Variants in ANXA4 observed in about 807,000 individuals in gnomAD.
The protein encoded by ANXA4 is annexin A4.
ANXA4 carries 39 observed loss-of-function variants against 49.8 expected under a neutral mutation model. The observed-to-expected ratio is 0.78, with a 90% CI of 0.61 to 1.02. ANXA4 has a LOEUF of 1.02. Ranked by LOEUF, ANXA4 falls within the 50% of genes least tolerant of loss-of-function variation. The pLI is 0.00. For missense variants in ANXA4, 360 were observed against 410.1 expected, an observed-to-expected ratio of 0.88 and a Z score of 1.05; for synonymous variants, 134 against 152.5, an observed-to-expected ratio of 0.88 and a Z score of 0.89.
intron 2 of ANXA4, among the ~76,000 whole-genome samples, chr2:69,664,556 T>C (rs957083521): frequency 6.6e-6 from 1 of 152,232 alleles, no homozygotes; most frequent in African/African-American, 2.4e-5. Context: ...GCTATATCAG[T>C]TACATTCTTG....
intron 1 of ANXA4, among the ~76,000 whole-genome samples, chr2:69,756,821 A>G (rs1671053319): frequency 6.6e-6 from 1 of 151,954 alleles, no homozygotes; most frequent in South Asian, 2.1e-4. Flanking sequence ...GTAAAGCACC[A>G]AGATCCTAAA....
At chr2:69,711,022 G>A (rs1281053717) in intron 2 of ANXA4, among the ~76,000 whole-genome samples, 1 of 152,134 alleles carries the variant, frequency 6.6e-6, no homozygotes, top group Non-Finnish European at 1.5e-5. Context: ...AATATTCAGA[G>A]CACTTAATTA....
At chr2:69,661,077 A>G (rs868756679) in intron 2 of ANXA4, among the ~76,000 whole-genome samples, 23 of 147,750 alleles carry the variant, frequency 1.6e-4, no homozygotes, top group Middle Eastern at 6.8e-3. Flanking sequence ...GCAATTAGAC[A>G]GAAGACTTCT....
chr2:69,665,338 A>C (rs1676895892), intron 2 of ANXA4, among the ~76,000 whole-genome samples: 1 of 152,122 alleles, frequency 6.6e-6, no homozygotes, highest in Admixed American at 6.6e-5. Context: ...AGTGCCAGAC[A>C]TGTGAATGAT....
At chr2:69,810,442 GT>G (rs771912212) in intron 6 of ANXA4, 151 bp from the exon 7 acceptor site, 2 of 633,194 alleles carry the variant, frequency 3.2e-6, no homozygotes, top group Non-Finnish European at 5.8e-6. Context: ...CCAGAGTTTA[GT>G]TTTTGAAAAA....
chr2:69,819,929 A>ATGG (rs1308854090), intron 11 of ANXA4, among the ~76,000 whole-genome samples: 1 of 151,820 alleles, frequency 6.6e-6, no homozygotes, highest in Non-Finnish European at 1.5e-5. Flanking sequence ...TTAGTCAGGT[A>ATGG]TGGTGGCTCA....
At chr2:69,782,536 T>C (rs902948728) in intron 2 of ANXA4, among the ~76,000 whole-genome samples, 2 of 152,196 alleles carry the variant, frequency 1.3e-5, no homozygotes, top group Non-Finnish European at 2.9e-5. Context: ...TTATTTTTTA[T>C]AGAGATGAGG....
At chr2:69,659,052 A>G (rs977884191) in intron 2 of ANXA4, among the ~76,000 whole-genome samples, 1 of 152,220 alleles carries the variant, frequency 6.6e-6, no homozygotes, top group African/African-American at 2.4e-5. Flanking sequence ...CATTTAATTT[A>G]TGAAAATGTA....
intron 1 of ANXA4, among the ~76,000 whole-genome samples, chr2:69,778,775 CAAAAAAAAAAAAAA>C (rs58688910): frequency 1.5e-3 from 55 of 36,548 alleles, no homozygotes; most frequent in Non-Finnish European, 2.3e-3. Flanking sequence ...AACTCTGTCT[CAAAAAAAAAAAAAA>C]AAAAAAAAAA....
At chr2:69,713,595 G>A (rs557312078) in intron 2 of ANXA4, 1 of 152,298 alleles carries the variant, frequency 6.6e-6, no homozygotes, top group East Asian at 1.9e-4. Context: ...TTAACATTCA[G>A]TCCAGCAAGC....
chr2:69,751,760 A>G (rs532203919), intron 1 of ANXA4, among the ~76,000 whole-genome samples: 1 of 152,228 alleles, frequency 6.6e-6, no homozygotes, highest in Admixed American at 6.5e-5. Flanking sequence ...TCCTTCTGGG[A>G]TCAAGACTTA....
At chr2:69,661,513 G>A (rs908181829) in intron 2 of ANXA4, among the ~76,000 whole-genome samples, 3 of 152,008 alleles carry the variant, frequency 2.0e-5, no homozygotes, top group Non-Finnish European at 4.4e-5. Context: ...TGTGATTACA[G>A]TGAGCTATGA....
intron 1 of ANXA4, among the ~76,000 whole-genome samples, chr2:69,769,074 T>C (rs1170579172): frequency 6.6e-6 from 1 of 152,222 alleles, no homozygotes; most frequent in Non-Finnish European, 1.5e-5. Context: ...CTATATTGGG[T>C]ACTTCATTAT....
intron 2 of ANXA4, among the ~76,000 whole-genome samples, chr2:69,661,989 A>G (rs1158638639): frequency 6.6e-6 from 1 of 152,198 alleles, no homozygotes; most frequent in African/African-American, 2.4e-5. Context: ...AAGGTTGCCT[A>G]AAAAACCACC....
At chr2:69,644,165 T>TTCCCCCCCCC (rs1553424953), upstream of ANXA4, among the ~76,000 whole-genome samples, 2 of 21,114 alleles carry the variant, frequency 9.5e-5, no homozygotes, top group Admixed American at 3.4e-4. Flanking sequence ...ACAACTAAGT[T>TTCCCCCCCCC]CCCCCCCCCC....
At position 69,760,611 on chromosome 2, in the gene ANXA4, T is replaced by C. The variant is rs370481687; in HGVS notation, c.-47+18436T>C. On this transcript the variant is annotated intron_variant, in intron 1 of 12. Transcript: ENST00000394295. ...ACTCTTCTTTTAAGTATTCTGGGGCTTTGTTTTTTTCCCTTGTTTTCTAGC... is the reference window on the plus strand; with the variant it reads ...ACTCTTCTTTTAAGTATTCTGGGGCCTTGTTTTTTTCCCTTGTTTTCTAGC... Among the ~76,000 whole-genome samples, 13 of 152,244 alleles carry C rather than the reference T, an allele frequency of 8.5e-5. No homozygotes were observed. The East Asian group carries it at 9.6e-4, about 11-fold the overall frequency.
Position 69,807,930 on chromosome 2 carries a change from C to G in ANXA4, c.331C>G (p.Leu111Val). ...MKGAGTDEGC[L>V]IEILASRTPE... The stretch of plus-strand genomic sequence containing the variant: ...GGGAGCCGGCACTGATGAGGGCTGC[C>G]TAATTGAGATCCTGGCCTCCCGGAC... Residue 111 changes from leucine (L) to valine (V), a missense_variant, in exon 6 of 13, where the codon CTA becomes GTA. Leu to Val is a conservative substitution (Grantham distance 32). Transcript: ENST00000394295. 6.2e-7 allele frequency: 1 copy of G among 1,614,146 alleles called. No individual in the cohort carries two copies. The highest frequency in any genetic ancestry group is 1.1e-5 in the South Asian group (1 of 91,080).
At chr2:69,805,535 G>T (rs146286119) in intron 4 of ANXA4, among the ~76,000 whole-genome samples, 94 of 151,978 alleles carry the variant, frequency 6.2e-4, no homozygotes, top group Middle Eastern at 3.4e-3. Context: ...GAATCCAGGA[G>T]GCGGAGTCTG....
intron 2 of ANXA4, among the ~76,000 whole-genome samples, chr2:69,700,016 G>T (rs961501494): frequency 6.6e-6 from 1 of 152,174 alleles, no homozygotes; most frequent in Non-Finnish European, 1.5e-5. Context: ...CACCCAGAGA[G>T]AATGGAAGGA....
Sources: gnomAD v4.1 joint callset for allele counts (sites outside exome capture counted in the v4.1 genomes callset) on GRCh38, gnomAD v4.1.1 for gene constraint, MANE v1.5 for transcripts, NCBI Gene and HGNC (gene_info 2026-07-23, HGNC 2026-07-21) for gene names.